Variants in PTPRE observed in about 807,000 individuals in gnomAD.
The protein encoded by PTPRE is receptor-type tyrosine-protein phosphatase epsilon.
A neutral mutation model predicts 102.0 loss-of-function variants in PTPRE; 51 were observed. The observed-to-expected ratio is 0.50, with a 90% CI of 0.40 to 0.63. The LOEUF is 0.63. PTPRE is among the 30% of genes least tolerant of loss of function. PTPRE has a pLI of 0.00. For missense variants in PTPRE, 752 were observed against 915.1 expected, an observed-to-expected ratio of 0.82 and a Z score of 2.30; for synonymous variants, 345 against 348.2, an observed-to-expected ratio of 0.99 and a Z score of 0.10.
chr10:127,917,606 A>T (rs1224825186), intron 1 of PTPRE, among the ~76,000 whole-genome samples: 1 of 152,202 alleles, frequency 6.6e-6, no homozygotes, highest in Non-Finnish European at 1.5e-5. Flanking sequence ...CAGGAGGTCG[A>T]GGCTGCCATG....
At chr10:128,049,316 G>T (rs72847378) in intron 5 of PTPRE, among the ~76,000 whole-genome samples, 48,510 of 151,892 alleles carry the variant, frequency 0.32, 8,518 homozygotes, top group Admixed American at 0.49. Context: ...GCAGAGGGAC[G>T]CCCGTCACTT....
At chr10:128,034,656 C>T (rs1847062310) in intron 2 of PTPRE, among the ~76,000 whole-genome samples, 1 of 152,192 alleles carries the variant, frequency 6.6e-6, no homozygotes, top group Non-Finnish European at 1.5e-5. Flanking sequence ...AGTCTGGCAA[C>T]AGAGTGAGAC....
intron 20 of PTPRE, 36 bp from the exon 21 acceptor site, chr10:128,082,796 A>C (rs1369104689): frequency 6.5e-7 from 1 of 1,526,920 alleles, no homozygotes; most frequent in Non-Finnish European, 8.7e-7. Flanking sequence ...TATTTTTGGG[A>C]ATATCATTTT....
chr10:127,943,309 A>G (rs1295157103), intron 1 of PTPRE, among the ~76,000 whole-genome samples: 1 of 152,170 alleles, frequency 6.6e-6, no homozygotes, highest in Non-Finnish European at 1.5e-5. Flanking sequence ...GGAACCCCCA[A>G]ACTTGCCTGG....
intron 2 of PTPRE, among the ~76,000 whole-genome samples, chr10:128,020,022 C>CTG (rs34036600): frequency 0.34 from 51,407 of 150,602 alleles, 8,726 homozygotes; most frequent in South Asian, 0.54. Flanking sequence ...AGGGTGGAGG[C>CTG]TGTGTGTGTG....
At chr10:128,050,426 A>T in intron 6 of PTPRE, among the ~76,000 whole-genome samples, 1 of 147,434 alleles carries the variant, frequency 6.8e-6, no homozygotes, top group East Asian at 2.0e-4. Context: ...GGATGGATGG[A>T]TGGATGGGTG....
At chr10:128,046,437 C>T (rs1304196939) in intron 3 of PTPRE, among the ~76,000 whole-genome samples, 5 of 152,176 alleles carry the variant, frequency 3.3e-5, no homozygotes, top group African/African-American at 1.2e-4. Context: ...GAGGGGCTTC[C>T]CCAGAAACCC....
chr10:127,948,570 G>A (rs1276642586), intron 1 of PTPRE, among the ~76,000 whole-genome samples: 2 of 152,064 alleles, frequency 1.3e-5, no homozygotes, highest in African/African-American at 4.8e-5. Context: ...CCATAGTTTT[G>A]CCTTTTCTAG....
chr10:127,979,008 G>A (rs1243598550), intron 1 of PTPRE, among the ~76,000 whole-genome samples: 2 of 152,114 alleles, frequency 1.3e-5, no homozygotes, highest in South Asian at 2.1e-4. Flanking sequence ...GTTACAGAGC[G>A]AGACTCCATC....
chr10:127,913,213 G>C (rs1406556531), intron 1 of PTPRE, among the ~76,000 whole-genome samples: 1 of 152,246 alleles, frequency 6.6e-6, no homozygotes, highest in Non-Finnish European at 1.5e-5. Flanking sequence ...CACAAGGCAA[G>C]GGCCCAGGGG....
In PTPRE at chr10:128,065,091, G is replaced by A. The variant is rs146506234; in HGVS notation, c.724-984G>A. ...TGCAATTCCCCTGGGCTGCATCAGA[G>A]ATGGCCTGTGACCCACAGCCCCGCA... On this transcript the variant is annotated intron_variant, in intron 10 of 20. Coordinates refer to ENST00000254667, the MANE Select transcript of PTPRE (RefSeq NM_006504.6). 1.6e-4 allele frequency among the ~76,000 whole-genome samples: 25 copies of A among 152,230 alleles called. No individual in the cohort carries two copies. The East Asian group carries it at 4.3e-3, about 26-fold the overall frequency.
At chr10:127,943,223 T>C (rs1351142474) in intron 1 of PTPRE, among the ~76,000 whole-genome samples, 2 of 152,246 alleles carry the variant, frequency 1.3e-5, no homozygotes, top group Non-Finnish European at 2.9e-5. Flanking sequence ...AATTTGTTTT[T>C]CTGAGCGTCA....
intron 5 of PTPRE, among the ~76,000 whole-genome samples, 172 bp from the exon 6 acceptor site, chr10:128,049,358 G>C (rs1317223392): frequency 6.6e-6 from 1 of 152,156 alleles, no homozygotes; most frequent in Admixed American, 6.5e-5. Flanking sequence ...CAGGAGGCGA[G>C]TGTTTGGATA....
chr10:127,961,028 A>G (rs1849770071), intron 1 of PTPRE, among the ~76,000 whole-genome samples: 1 of 151,312 alleles, frequency 6.6e-6, no homozygotes, highest in African/African-American at 2.4e-5. Context: ...CAAAAAAAAA[A>G]AAAAATACAG....
chr10:128,006,109 G>A (rs953400127), intron 2 of PTPRE, among the ~76,000 whole-genome samples: 1 of 152,214 alleles, frequency 6.6e-6, no homozygotes, highest in Non-Finnish European at 1.5e-5. Context: ...CACATTCTGA[G>A]GTTCCAGATG....
intron 6 of PTPRE, 123 bp downstream of exon 6, chr10:128,049,789 C>G: frequency 2.9e-6 from 4 of 1,365,108 alleles, no homozygotes; most frequent in Non-Finnish European, 4.0e-6. Context: ...GACACTGTCC[C>G]ATGAATGGGC....
chr10:128,050,004 A>C (rs1848427209), intron 6 of PTPRE, among the ~76,000 whole-genome samples: 1 of 152,206 alleles, frequency 6.6e-6, no homozygotes, highest in South Asian at 2.1e-4. Flanking sequence ...CGGTATGACA[A>C]TATCATGGGG....
rs774046953 is a variant in PTPRE, at chr10:128,079,686, G to A, written c.2019G>A (p.Val673=). The change falls in exon 20 of 21, where the codon GTG becomes GTA. Residue 673 remains valine, a synonymous_variant. Coordinates refer to ENST00000254667, the MANE Select transcript of PTPRE (RefSeq NM_006504.6). ...KSLRLQRPHM[V]QTLEQYEFCY... ...TACGACTTCAGAGACCACATATGGT[G>A]CAAACCCTGGTAAGAATCTGAATAA... The A allele has an allele frequency of 1.9e-6, 3 of 1,612,568 alleles. No individual in the cohort carries two copies. Among genetic ancestry groups the A allele is most frequent in the South Asian group, 2.2e-5 (2 of 90,954 alleles).
chr10:127,957,499 T>C (rs1306961672), intron 1 of PTPRE, among the ~76,000 whole-genome samples: 1 of 152,214 alleles, frequency 6.6e-6, no homozygotes, highest in African/African-American at 2.4e-5. Context: ...TCTTAATCTG[T>C]ATACCTTTTA....
Sources: gnomAD v4.1 joint callset for allele counts (sites outside exome capture counted in the v4.1 genomes callset) on GRCh38, gnomAD v4.1.1 for gene constraint, MANE v1.5 for transcripts, NCBI Gene and HGNC (gene_info 2026-07-23, HGNC 2026-07-21) for gene names.